The following PIK3R3 variants were observed in gnomAD, a reference collection of about 807,000 sequenced individuals.
PIK3R3 encodes phosphatidylinositol 3-kinase regulatory subunit gamma.
In PIK3R3, 64 loss-of-function variants were observed where a neutral mutation model predicts 62.9. The ratio of observed to expected loss-of-function variants is 1.02; its 90% CI spans 0.83 to 1.25. PIK3R3 has a LOEUF of 1.25. Among genes scored for constraint, PIK3R3 ranks in the 50% most tolerant of loss-of-function variants. The pLI is 0.00. For synonymous variants in PIK3R3, 165 were observed against 189.0 expected (o/e 0.87, Z 1.04); for missense variants, 614 against 561.6 (o/e 1.09, Z -0.94).
At chr1:46,171,627 G>A in the PIK3R3 span, among the ~76,000 whole-genome samples, 2 of 152,050 alleles carry the variant, frequency 1.3e-5, no homozygotes, top group African/African-American at 4.8e-5. Flanking sequence ...CCAGCCTGGC[G>A]CCCCAGGGGC....
rs546050844 is a variant in PIK3R3, at chr1:46,106,321, T to C, written c.106+25526A>G. The stretch of plus-strand genomic sequence containing the variant: ...GTTTTCGGTATGTTGCCCAGGCTGG[T>C]CTCAAAATCCTGGGCTCAAGTGGAT... On this transcript the variant is annotated intron_variant, in intron 1 of 9. Transcript: ENST00000262741. Among the ~76,000 whole-genome samples, 17 of 152,218 alleles carry C rather than the reference T, an allele frequency of 1.1e-4. 1 individual carries two copies. The South Asian group carries it at 2.5e-3, about 22-fold the overall frequency.
chr1:46,081,023 C>A (rs1650534553), intron 1 of PIK3R3, among the ~76,000 whole-genome samples: 1 of 152,066 alleles, frequency 6.6e-6, no homozygotes, highest in Non-Finnish European at 1.5e-5. Context: ...AACATGCAAC[C>A]CCTTTTCCAA....
At chr1:46,152,052 A>C in the PIK3R3 span, among the ~76,000 whole-genome samples, 3 of 152,240 alleles carry the variant, frequency 2.0e-5, no homozygotes, top group Non-Finnish European at 4.4e-5. Flanking sequence ...TGCTGTTCGC[A>C]TCTCTAGCTC....
chr1:46,148,140 T>TTAC, the PIK3R3 span, among the ~76,000 whole-genome samples: 2 of 152,208 alleles, frequency 1.3e-5, no homozygotes, highest in African/African-American at 4.8e-5. Context: ...CTTGGTGATA[T>TTAC]TACACCTTTC....
At chr1:46,046,700 T>TA in intron 7 of PIK3R3, 75 bp from the exon 8 acceptor site, 1 of 1,026,838 alleles carries the variant, frequency 9.7e-7, no homozygotes, top group Non-Finnish European at 1.5e-6. Flanking sequence ...CTGAGCCAAC[T>TA]AAACTTCTAG....
intron 6 of PIK3R3, among the ~76,000 whole-genome samples, chr1:46,057,717 T>C (rs1648061784): frequency 6.6e-6 from 1 of 152,212 alleles, no homozygotes; most frequent in African/African-American, 2.4e-5. Context: ...TGATTTAGGA[T>C]ATCTGGCGGA....
intron 1 of PIK3R3, among the ~76,000 whole-genome samples, chr1:46,095,769 T>A (rs1652066258): frequency 6.6e-6 from 1 of 152,250 alleles, no homozygotes; most frequent in Admixed American, 6.5e-5. Flanking sequence ...TCTCCCTCTA[T>A]ATCTCTTTCC....
chr1:46,141,541 G>T, the PIK3R3 span, among the ~76,000 whole-genome samples: 1 of 152,178 alleles, frequency 6.6e-6, no homozygotes. Context: ...AAAGTGCTGG[G>T]ATTACAGGCG....
intron 1 of PIK3R3, among the ~76,000 whole-genome samples, chr1:46,081,843 A>C (rs1463531619): frequency 1.3e-5 from 2 of 152,230 alleles, no homozygotes; most frequent in African/African-American, 2.4e-5. Flanking sequence ...GGAAGTGCTC[A>C]AAGAATGGGA....
chr1:46,066,022 C>T (rs764468792), intron 5 of PIK3R3, 32 bp downstream of exon 5: 6 of 1,586,986 alleles, frequency 3.8e-6, no homozygotes, highest in East Asian at 2.2e-5. Context: ...ACATTGCACA[C>T]ATATTAGTCA....
Position 46,131,889 on chromosome 1 carries a change from A to G in PIK3R3, c.64T>C (p.Tyr22His), listed in dbSNP as rs1392206045. 6.2e-7 allele frequency: 1 copy of G among 1,613,384 alleles called. No homozygotes were observed. ...DADWREVMMP[Y>H]STELIFYIEM... ...ATATAAAATATCAGTTCTGTCGAAT[A>G]GGGCATCATCACCTCCCTCCAGTCT... The change falls in exon 1 of 10, where the codon TAT becomes CAT. Residue 22 changes from tyrosine to histidine, a missense_variant. Transcript: ENST00000262741.
the PIK3R3 span, among the ~76,000 whole-genome samples, chr1:46,166,230 CTTTTT>C: frequency 6.8e-6 from 1 of 147,408 alleles, no homozygotes; most frequent in African/African-American, 2.5e-5. Context: ...CTTTTCTTTT[CTTTTT>C]TTTTCTGAGA....
chr1:46,164,672 C>G, the PIK3R3 span, among the ~76,000 whole-genome samples: 4 of 152,192 alleles, frequency 2.6e-5, no homozygotes, highest in Admixed American at 1.3e-4. Context: ...CCAAGCCCCC[C>G]ACCTTGCCCC....
At chr1:46,045,769 C>T in intron 9 of PIK3R3, 149 bp downstream of exon 9, 1 of 651,426 alleles carries the variant, frequency 1.5e-6, no homozygotes, top group Non-Finnish European at 2.6e-6. Flanking sequence ...TCTCATAAAG[C>T]TGGGTTTTTT....
chr1:46,164,082 A>G, the PIK3R3 span, among the ~76,000 whole-genome samples: 5 of 152,176 alleles, frequency 3.3e-5, no homozygotes, highest in Non-Finnish European at 7.4e-5. Flanking sequence ...ACTGACGAAT[A>G]ATACCTCTCC....
the PIK3R3 span, among the ~76,000 whole-genome samples, chr1:46,141,851 T>G: frequency 1.3e-5 from 2 of 152,220 alleles, no homozygotes; most frequent in African/African-American, 4.8e-5. Context: ...TCTGCTCTTA[T>G]GCCCAGGTAG....
At chr1:46,169,676 G>C in the PIK3R3 span, among the ~76,000 whole-genome samples, 24 of 152,240 alleles carry the variant, frequency 1.6e-4, no homozygotes, top group African/African-American at 5.1e-4. Flanking sequence ...CGTGTGAGTA[G>C]AGGTCAGGGC....
At chr1:46,135,297 C>G (rs1655889259), upstream of PIK3R3, among the ~76,000 whole-genome samples, 2 of 152,172 alleles carry the variant, frequency 1.3e-5, no homozygotes, top group African/African-American at 4.8e-5. Context: ...TGGGTCACAA[C>G]CTGCTACTTT....
In PIK3R3 at chr1:46,071,709, A is replaced by AT. The variant is rs1237313169; in HGVS notation, c.315-4619_315-4618insA. ...AGACTCTGTCTCCAAAAAAAAAAAA[A>AT]AAAATATATATATATATATATAGAG... On this transcript the variant is annotated intron_variant, in intron 3 of 9. Coordinates refer to ENST00000262741, the MANE Select transcript of PIK3R3 (RefSeq NM_003629.4). 2.1e-3 allele frequency among the ~76,000 whole-genome samples: 145 copies of AT among 68,844 alleles called. 11 individuals carry two copies. Among genetic ancestry groups the AT allele is most frequent in the Middle Eastern group, 5.4e-3 (1 of 184 alleles). 45.2% of individuals were successfully genotyped at this position (68,844 alleles called of 152,430 possible).
Sources: allele counts gnomAD v4.1 joint callset (sites outside exome capture counted in the v4.1 genomes callset), GRCh38; gene constraint gnomAD v4.1.1; transcripts MANE v1.5; gene names NCBI Gene and HGNC (gene_info 2026-07-23, HGNC 2026-07-21).